The following GARNL3 variants were observed in gnomAD, a reference collection of about 807,000 sequenced individuals.
GARNL3 encodes the protein GTPase activating Rap/RanGAP domain like 3.
Under a neutral mutation model 125.0 loss-of-function variants are expected in GARNL3, and 63 were observed. The observed-to-expected ratio is 0.50, with a 90% CI of 0.41 to 0.62. The LOEUF (loss-of-function observed/expected upper bound fraction) is 0.62, where lower values mean the gene tolerates loss of function less well. Among genes scored for constraint, GARNL3 ranks in the 20% least tolerant of loss-of-function variants. GARNL3 has a pLI of 0.00. For missense variants in GARNL3, 994 were observed against 1,244.0 expected (o/e 0.80, Z 3.02); for synonymous variants, 439 against 457.5 (o/e 0.96, Z 0.52).
At chr9:127,283,200 G>A (rs1272125651) in intron 1 of GARNL3, among the ~76,000 whole-genome samples, 1 of 152,174 alleles carries the variant, frequency 6.6e-6, no homozygotes, top group Non-Finnish European at 1.5e-5. Flanking sequence ...TGTCCAGCAT[G>A]TCATTATACA....
Position 127,393,255 on chromosome 9 carries a change from C to G in GARNL3, c.*1C>G. On this transcript the variant is annotated 3_prime_UTR_variant, in exon 28 of 28. Coordinates refer to ENST00000373387, the MANE Select transcript of GARNL3 (RefSeq NM_032293.5). ...TGAAGACATTATAGACTTGAAGTAA[C>G]AGAGTTGAATCTCATTTGCCATCTT... The G allele has an allele frequency of 6.2e-7, 1 of 1,600,082 alleles. No individual in the cohort carries two copies. Among genetic ancestry groups the G allele is most frequent in the Non-Finnish European group, 8.6e-7 (1 of 1,168,340 alleles).
At chr9:127,368,603 T>C (rs562524736) in intron 22 of GARNL3, among the ~76,000 whole-genome samples, 25 of 148,316 alleles carry the variant, frequency 1.7e-4, no homozygotes, top group African/African-American at 1.5e-4. Flanking sequence ...AGTGCTGGGA[T>C]TACAGGCGTG....
Position 127,355,323 on chromosome 9 carries a change from C to T in GARNL3, c.1786C>T (p.His596Tyr). 1 of 1,614,124 alleles carries T rather than the reference C, an allele frequency of 6.2e-7. No homozygotes were observed. Among genetic ancestry groups the T allele is most frequent in the Non-Finnish European group, 8.5e-7 (1 of 1,179,978 alleles). Residue 596 changes from histidine (H) to tyrosine (Y), a missense_variant, in exon 20 of 28, where the codon CAC (histidine) becomes TAC (tyrosine). By Grantham distance (83) the His-to-Tyr change is moderately conservative. Transcript: ENST00000373387. ...KGCHLYAINT[H>Y]HSRELRIVVA... ...CTGCCACCTGTATGCTATTAACACT[C>T]ACCACAGCAGAGAGCTGAGGATTGT...
intron 1 of GARNL3, among the ~76,000 whole-genome samples, chr9:127,236,080 T>C (rs2063107636): frequency 6.6e-6 from 1 of 152,236 alleles, no homozygotes; most frequent in African/African-American, 2.4e-5. Context: ...TGACAGGGTT[T>C]CATTTACAAA....
intron 2 of GARNL3, among the ~76,000 whole-genome samples, chr9:127,246,533 C>T (rs753540309): frequency 2.0e-5 from 3 of 152,054 alleles, no homozygotes; most frequent in Non-Finnish European, 2.9e-5. Flanking sequence ...GGGCCAGGAG[C>T]GGTGGCTTAT....
intron 1 of GARNL3, among the ~76,000 whole-genome samples, chr9:127,230,656 C>CAAAA (rs1178159379): frequency 5.5e-5 from 6 of 109,476 alleles, no homozygotes; most frequent in Non-Finnish European, 7.8e-5. Context: ...TCCATCTCAC[C>CAAAA]AAAAAAAAAA....
At position 127,307,186 on chromosome 9, in the gene GARNL3, G is replaced by A. The variant is rs200523226; in HGVS notation, c.220-4450G>A. 5.1e-4 allele frequency among the ~76,000 whole-genome samples: 77 copies of A among 152,192 alleles called. 1 individual carries two copies. The East Asian group carries it at 8.9e-3, about 18-fold the overall frequency. On this transcript the variant is annotated intron_variant, in intron 2 of 27. Transcript: ENST00000373387. Reference sequence around the variant, plus strand: ...TTTGCCCCATCCAAGTTTATGCCCCGCTCTCTGTGCTGAATTCTTTTAGAA... The same window carrying A: ...TTTGCCCCATCCAAGTTTATGCCCCACTCTCTGTGCTGAATTCTTTTAGAA...
At chr9:127,365,160 G>A in intron 21 of GARNL3, 140 bp from the exon 22 acceptor site, 1 of 675,940 alleles carries the variant, frequency 1.5e-6, no homozygotes, top group Non-Finnish European at 2.7e-6. Flanking sequence ...GTGCATTGTG[G>A]GTGCTGGTGG....
upstream of GARNL3, among the ~76,000 whole-genome samples, chr9:127,260,627 A>G (rs1374026614): frequency 6.6e-6 from 1 of 152,100 alleles, no homozygotes; most frequent in Admixed American, 6.5e-5. Context: ...GAGCAATTCA[A>G]CTCTGCTGTT....
At position 127,384,158 on chromosome 9, in the gene GARNL3, C is replaced by A. The variant is rs915961864; in HGVS notation, c.2269+613C>A. Among the ~76,000 whole-genome samples, 2 of 152,128 alleles carry A rather than the reference C, an allele frequency of 1.3e-5. No homozygotes were observed. The highest frequency in any genetic ancestry group is 2.9e-5 in the Non-Finnish European group (2 of 68,032). On this transcript the variant is annotated intron_variant, in intron 23 of 27. Transcript: ENST00000373387. The surrounding 1 kb of genome is among the most constrained non-coding windows in gnomAD (Gnocchi z 4.0). ...GCATTTTGAGAGGAAGGCAGAGGGA[C>A]CAACCTAAGATCCTGGGAGGACCAG... is the stretch of plus-strand genomic sequence containing the variant.
intron 2 of GARNL3, among the ~76,000 whole-genome samples, chr9:127,253,374 A>C (rs944911524): frequency 2.0e-5 from 3 of 152,258 alleles, no homozygotes; most frequent in African/African-American, 7.2e-5. Context: ...ATGGCCCCAA[A>C]GGACTGGCTG....
chr9:127,249,513 G>A (rs1451277338), intron 2 of GARNL3, among the ~76,000 whole-genome samples: 1 of 152,166 alleles, frequency 6.6e-6, no homozygotes, highest in Non-Finnish European at 1.5e-5. Flanking sequence ...CTGAGCCCGG[G>A]AAGTTGAGGC....
At chr9:127,243,918 G>A (rs1313444287) in intron 2 of GARNL3, among the ~76,000 whole-genome samples, 1 of 152,122 alleles carries the variant, frequency 6.6e-6, no homozygotes, top group African/African-American at 2.4e-5. Context: ...TTTCCAGGGG[G>A]AATCAAAGGC....
chr9:127,322,971 G>T (rs959293080), intron 6 of GARNL3, among the ~76,000 whole-genome samples: 1 of 152,092 alleles, frequency 6.6e-6, no homozygotes, highest in Admixed American at 6.5e-5. Flanking sequence ...AGATAGTTGC[G>T]ATATGTTTCC....
chr9:127,353,122 A>AC (rs1830498910), intron 17 of GARNL3, among the ~76,000 whole-genome samples: 2 of 152,140 alleles, frequency 1.3e-5, no homozygotes, highest in African/African-American at 4.8e-5. Flanking sequence ...CTCAACAACA[A>AC]ATCCTGTGTG....
chr9:127,346,005 C>T (rs1488804875), intron 16 of GARNL3, among the ~76,000 whole-genome samples: 1 of 152,162 alleles, frequency 6.6e-6, no homozygotes, highest in Admixed American at 6.5e-5. Flanking sequence ...TAATGGCTTC[C>T]CAGGTGATCT....
rs115397220 is a variant in GARNL3 at position 127,233,357 on chromosome 9, C to T, written c.-29+9019C>T. 7.8e-3 allele frequency among the ~76,000 whole-genome samples: 1,181 copies of T among 152,266 alleles called. 18 individuals carry two copies. The highest frequency in any genetic ancestry group is 0.025 in the African/African-American group (1,025 of 41,542). ...CATGCTGATTGGCTGGGCCTGGTCA[C>T]GTGCTGAAATCTTCCATTCACAGAG... On this transcript the variant is annotated intron_variant, in intron 1 of 10. Transcript: ENST00000439286.
At chr9:127,331,210 C>T (rs1018095718) in intron 7 of GARNL3, among the ~76,000 whole-genome samples, 2 of 152,098 alleles carry the variant, frequency 1.3e-5, no homozygotes, top group Non-Finnish European at 2.9e-5. Flanking sequence ...CACTACTGGC[C>T]GGGCATGGTG....
intron 22 of GARNL3, 134 bp from the exon 23 acceptor site, chr9:127,383,304 C>T (rs1267351292): frequency 2.0e-5 from 11 of 557,106 alleles, no homozygotes; most frequent in African/African-American, 3.8e-5. Context: ...AGCATCATGG[C>T]GGTATTCATA....
Sources: gnomAD v4.1 joint callset for allele counts (sites outside exome capture counted in the v4.1 genomes callset) on GRCh38, gnomAD v4.1.1 for gene constraint, Gnocchi (gnomAD v3.1) non-coding constraint, MANE v1.5 for transcripts, NCBI Gene and HGNC (gene_info 2026-07-23, HGNC 2026-07-21) for gene names.